Variants in KLHL32 observed in about 807,000 individuals in gnomAD.
KLHL32 encodes the protein kelch like family member 32.
Under a neutral mutation model 64.8 loss-of-function variants are expected in KLHL32, and 35 were observed. The ratio of observed to expected loss-of-function variants is 0.54; its 90% CI spans 0.41 to 0.72. The LOEUF (loss-of-function observed/expected upper bound fraction) is 0.72. Ranked by LOEUF, KLHL32 falls within the 30% of genes least tolerant of loss-of-function variation. The probability of loss-of-function intolerance (pLI) is 0.00; values close to 1 mark genes in which losing one functional copy is unlikely to be tolerated. For missense variants in KLHL32, 589 were observed against 768.5 expected, an observed-to-expected ratio of 0.77 and a Z score of 2.76; for synonymous variants, 259 against 281.0, an observed-to-expected ratio of 0.92 and a Z score of 0.78.
chr6:96,994,436 T>G (rs1778210798), intron 3 of KLHL32: 1 of 908,306 alleles, frequency 1.1e-6, no homozygotes, highest in African/African-American at 1.8e-5. Flanking sequence ...CCTTTTAGTG[T>G]GATATGTTCA....
chr6:96,904,477 A>G, the KLHL32 span, among the ~76,000 whole-genome samples: 1 of 152,234 alleles, frequency 6.6e-6, no homozygotes, highest in Non-Finnish European at 1.5e-5. Context: ...TTAGTAAACC[A>G]CAAAAATTAT....
chr6:97,113,474 G>C (rs868139114), intron 6 of KLHL32, among the ~76,000 whole-genome samples: 1 of 152,164 alleles, frequency 6.6e-6, no homozygotes, highest in South Asian at 2.1e-4. Context: ...GGAACAGGCT[G>C]TTTCACAACA....
chr6:96,937,633 A>C (rs1770772717), intron 1 of KLHL32, among the ~76,000 whole-genome samples: 1 of 152,132 alleles, frequency 6.6e-6, no homozygotes, highest in Non-Finnish European at 1.5e-5. Flanking sequence ...GTTGTGGAGG[A>C]GAGCATGGAA....
chr6:97,096,240 T>G (rs531321386), intron 6 of KLHL32, among the ~76,000 whole-genome samples: 14 of 152,210 alleles, frequency 9.2e-5, no homozygotes, highest in Non-Finnish European at 1.9e-4. Flanking sequence ...CTCTGTCACT[T>G]ACACATATGC....
chr6:96,906,468 CT>C, the KLHL32 span, among the ~76,000 whole-genome samples: 1 of 152,212 alleles, frequency 6.6e-6, no homozygotes, highest in South Asian at 2.1e-4. Context: ...TTTATTTTCT[CT>C]GAGTGAAGGT....
At chr6:97,111,039 G>C (rs911318297) in intron 6 of KLHL32, among the ~76,000 whole-genome samples, 18 of 151,094 alleles carry the variant, frequency 1.2e-4, no homozygotes, top group Admixed American at 6.6e-4. Context: ...TTGGGGGGGG[G>C]GGGTCTTAGC....
At chr6:97,131,756 C>T (rs972836275) in intron 9 of KLHL32, among the ~76,000 whole-genome samples, 3 of 152,102 alleles carry the variant, frequency 2.0e-5, no homozygotes, top group Non-Finnish European at 4.4e-5. Context: ...GGGGAGGCAA[C>T]GCTGGGAATC....
At chr6:96,990,999 G>T (rs1385333028) in intron 3 of KLHL32, among the ~76,000 whole-genome samples, 2 of 152,030 alleles carry the variant, frequency 1.3e-5, no homozygotes, top group Non-Finnish European at 2.9e-5. Context: ...TTACTAATGG[G>T]AATGTTTAAT....
intron 1 of KLHL32, among the ~76,000 whole-genome samples, chr6:96,936,174 A>G (rs1054731586): frequency 1.3e-5 from 2 of 152,234 alleles, no homozygotes; most frequent in African/African-American, 4.8e-5. Flanking sequence ...TTATAAGAAA[A>G]TGAGATATTC....
the KLHL32 span, among the ~76,000 whole-genome samples, chr6:96,907,002 C>A: frequency 2.0e-5 from 3 of 151,996 alleles, no homozygotes; most frequent in African/African-American, 7.3e-5. Flanking sequence ...TGTGAAGTTC[C>A]CATTTTCATC....
chr6:96,911,821 C>CTTTTTTTT, the KLHL32 span, among the ~76,000 whole-genome samples: 2 of 53,506 alleles, frequency 3.7e-5, no homozygotes, highest in Admixed American at 2.1e-4. Context: ...CTGCTCGGTC[C>CTTTTTTTT]TTCTTTTTTT....
chr6:96,976,107 C>G lies in KLHL32; in HGVS notation c.134C>G (p.Thr45Ser), dbSNP rs773314791. The G allele has an allele frequency of 1.2e-6, 2 of 1,608,370 alleles. No individual in the cohort carries two copies. Among genetic ancestry groups the G allele is most frequent in the East Asian group, 4.5e-5 (2 of 44,614 alleles). The stretch of plus-strand genomic sequence containing the variant: ...AGTGATGGCATCCTCTGCGACATCA[C>G]CCTGATTGCTGAGGAACAGAAATTC... ...QRSDGILCDI[T>S]LIAEEQKFHA... Residue 45 changes from threonine (T) to serine (S), a missense_variant, in exon 3 of 11, where the codon ACC becomes AGC. Around this residue, in one of 3 missense-constraint regions of KLHL32, gnomAD observed 191 missense variants for 223.3 expected, o/e 0.86. Transcript: ENST00000369261.
At chr6:97,019,785 T>G (rs1582733869) in intron 3 of KLHL32, among the ~76,000 whole-genome samples, 1 of 150,220 alleles carries the variant, frequency 6.7e-6, no homozygotes, top group Admixed American at 6.6e-5. Context: ...ATTTTTATAC[T>G]ATTTTCTTTT....
chr6:97,093,032 C>A (rs556326844), intron 6 of KLHL32, among the ~76,000 whole-genome samples: 25 of 152,208 alleles, frequency 1.6e-4, no homozygotes, highest in African/African-American at 5.5e-4. Context: ...TATTTATGTT[C>A]TCTGCTTCTA....
intron 6 of KLHL32, among the ~76,000 whole-genome samples, chr6:97,111,194 G>A (rs1410704702): frequency 6.6e-6 from 1 of 152,212 alleles, no homozygotes; most frequent in Admixed American, 6.5e-5. Context: ...GGGAAACAGA[G>A]CCAACATTCC....
At chr6:96,917,288 C>T in the KLHL32 span, among the ~76,000 whole-genome samples, 3 of 152,180 alleles carry the variant, frequency 2.0e-5, no homozygotes, top group African/African-American at 7.2e-5. Context: ...CCTCTTTTCT[C>T]CTTGCTTTCC....
At chr6:96,928,374 G>A (rs149655105) in intron 1 of KLHL32, among the ~76,000 whole-genome samples, 5 of 152,310 alleles carry the variant, frequency 3.3e-5, no homozygotes, top group African/African-American at 1.2e-4. Flanking sequence ...TACTGTAGCT[G>A]AGCGAGTGAT....
chr6:97,116,878 G>A (rs767256509), intron 7 of KLHL32, among the ~76,000 whole-genome samples: 1 of 151,916 alleles, frequency 6.6e-6, no homozygotes, highest in Admixed American at 6.6e-5. Flanking sequence ...CATTTTCTTT[G>A]TTCTTCTTTT....
At chr6:97,069,165 T>C (rs537458841) in intron 5 of KLHL32, among the ~76,000 whole-genome samples, 1 of 152,268 alleles carries the variant, frequency 6.6e-6, no homozygotes, top group Non-Finnish European at 1.5e-5. Flanking sequence ...TTCTTACTAT[T>C]CTTCACTCAG....
Sources: gnomAD v4.1 joint callset for allele counts (sites outside exome capture counted in the v4.1 genomes callset) on GRCh38, gnomAD v4.1.1 for gene constraint, gnomAD v4.1.1 regional missense constraint, MANE v1.5 for transcripts, NCBI Gene and HGNC (gene_info 2026-07-23, HGNC 2026-07-21) for gene names.